Variants in CENPE observed in about 807,000 individuals in gnomAD.
CENPE encodes the protein centromere protein E.
CENPE carries 145 observed loss-of-function variants against 336.1 expected under a neutral mutation model. The ratio of observed to expected loss-of-function variants is 0.43; its 90% CI spans 0.38 to 0.50. The LOEUF (loss-of-function observed/expected upper bound fraction) is 0.50, where lower values mean the gene tolerates loss of function less well. Among genes scored for constraint, CENPE ranks in the 20% least tolerant of loss-of-function variants. The pLI is 0.00. For synonymous variants in CENPE, 1,013 were observed against 984.8 expected (o/e 1.03, Z -0.54); for missense variants, 2,719 against 3,023.3 (o/e 0.90, Z 2.36).
At position 103,132,159 on chromosome 4, in the gene CENPE, C is replaced by A. The variant is rs140757621; in HGVS notation, c.6924+534G>T. 2.4e-3 allele frequency among the ~76,000 whole-genome samples: 370 copies of A among 152,144 alleles called. 2 individuals are homozygous for A. Among genetic ancestry groups the A allele is most frequent in the African/African-American group, 8.4e-3 (349 of 41,496 alleles). The stretch of plus-strand genomic sequence containing the variant: ...TCATCGATTGTGCCAAATGTGCCAC[C>A]CTGATGTGGGCTGTTGATAGGGGAG... On this transcript the variant is annotated intron_variant, in intron 42 of 48. Transcript: ENST00000265148.
chr4:103,162,386 G>T (rs1754524559), intron 18 of CENPE, among the ~76,000 whole-genome samples: 1 of 151,958 alleles, frequency 6.6e-6, no homozygotes, highest in African/African-American at 2.4e-5. Context: ...GCAAACTGAA[G>T]CGATTAAATG....
chr4:103,174,760 T>C lies in CENPE; in HGVS notation c.1623A>G (p.Glu541=). The change falls in exon 16 of 49, where the codon GAA becomes GAG. Residue 541 remains glutamate (E), a synonymous_variant. Transcript: ENST00000265148. ...KNDLDEFEAL[E]RKTKKDQEMQ... ...CCTCTTGATCTTTTTTAGTTTTTCT[T>C]TCTAGAGCCTCAAATTCATCCAAAT... 1 of 1,538,448 alleles carries C rather than the reference T, an allele frequency of 6.5e-7. No homozygotes were observed. The highest frequency in any genetic ancestry group is 8.7e-7 in the Non-Finnish European group (1 of 1,146,426).
chr4:103,163,543 A>C lies in CENPE; in HGVS notation c.1658T>G (p.Ile553Ser). ...KTKKDQEMQL[I>S]HEISNLKNLV... ...ATTCTTTAAGTTCGAAATTTCATGAATTAGTTGCATCTGTAAGAGCATGTG... is the reference window on the plus strand; with the variant it reads ...ATTCTTTAAGTTCGAAATTTCATGACTTAGTTGCATCTGTAAGAGCATGTG... Residue 553 changes from isoleucine to serine, a missense_variant, in exon 17 of 49, where the codon ATT becomes AGT. Physicochemically the swap from Ile to Ser is moderately radical, Grantham distance 142. Around this residue, in one of 5 missense-constraint regions of CENPE, gnomAD observed 2,437 missense variants for 2,513.3 expected, o/e 0.97. Coordinates refer to ENST00000265148, the MANE Select transcript of CENPE (RefSeq NM_001813.3). 2 of 1,582,762 alleles carry C rather than the reference A, an allele frequency of 1.3e-6. No individual in the cohort carries two copies. Among genetic ancestry groups the C allele is most frequent in the Non-Finnish European group, 1.7e-6 (2 of 1,162,046 alleles).
intron 39 of CENPE, among the ~76,000 whole-genome samples, chr4:103,136,608 T>C (rs1752090534): frequency 6.6e-6 from 1 of 152,240 alleles, no homozygotes; most frequent in South Asian, 2.1e-4. Flanking sequence ...CCAACCATTC[T>C]TAACATTTTG....
intron 44 of CENPE, 83 bp from the exon 45 acceptor site, chr4:103,116,772 GCTCTAATAAGGA>G (rs749023644): frequency 2.5e-5 from 17 of 678,024 alleles, no homozygotes; most frequent in Non-Finnish European, 3.5e-5. Context: ...AGCTGTCTTT[GCTCTAATAAGGA>G]CATTTTAAAA....
At chr4:103,187,769 T>C (rs1756921844) in intron 8 of CENPE, among the ~76,000 whole-genome samples, 1 of 152,138 alleles carries the variant, frequency 6.6e-6, no homozygotes, top group Non-Finnish European at 1.5e-5. Context: ...GCTAACATCA[T>C]AATGACAGGA....
In CENPE at chr4:103,162,083, G is replaced by A. The variant is rs1271105241; in HGVS notation, c.1843-626C>T. The stretch of plus-strand genomic sequence containing the variant: ...AAGAAATAGTAATTTTTAAAAAGTG[G>A]GCAGTTCTGCTTGCCACGCTATGAA... On this transcript the variant is annotated intron_variant, in intron 18 of 48. Coordinates refer to ENST00000265148, the MANE Select transcript of CENPE (RefSeq NM_001813.3). Among the ~76,000 whole-genome samples, 3 of 151,932 alleles carry A rather than the reference G, an allele frequency of 2.0e-5. No individual in the cohort carries two copies. The East Asian group carries it at 5.8e-4, about 29-fold the overall frequency.
chr4:103,118,147 G>A (rs1019428468), intron 44 of CENPE, among the ~76,000 whole-genome samples: 65 of 152,232 alleles, frequency 4.3e-4, no homozygotes, highest in East Asian at 5.8e-4. Context: ...AAGAAACTGC[G>A]AAACCATCTT....
chr4:103,194,999 CATACT>C, intron 5 of CENPE, 110 bp downstream of exon 5: 1 of 928,126 alleles, frequency 1.1e-6, no homozygotes, highest in South Asian at 2.1e-5. Flanking sequence ...AAAACCCTCA[CATACT>C]ATAGAAATAG....
rs540259320 is a variant in CENPE at position 103,170,427 on chromosome 4, AGTTT to A, written c.1647+4305_1647+4308del. The stretch of plus-strand genomic sequence containing the variant: ...GAAAGTGGGAGGAGATAAAGTGTGG[AGTTT>A]GTTTGTTTGTTTAGTAATCAATGAT... On this transcript the variant is annotated intron_variant, in intron 16 of 48. Coordinates refer to ENST00000265148, the MANE Select transcript of CENPE (RefSeq NM_001813.3). Among the ~76,000 whole-genome samples, 571 of 152,300 alleles carry A rather than the reference AGTTT, an allele frequency of 3.7e-3. 2 individuals are homozygous for A. Among genetic ancestry groups the A allele is most frequent in the Middle Eastern group, 0.027 (8 of 294 alleles).
intron 16 of CENPE, among the ~76,000 whole-genome samples, chr4:103,172,866 A>C (rs906037825): frequency 6.6e-6 from 1 of 152,036 alleles, no homozygotes; most frequent in African/African-American, 2.4e-5. Context: ...GAATTTGAAG[A>C]AGACACAAAT....
At chr4:103,163,742 G>C (rs533325284) in intron 16 of CENPE, among the ~76,000 whole-genome samples, 189 bp from the exon 17 acceptor site, 1 of 150,332 alleles carries the variant, frequency 6.7e-6, no homozygotes, top group South Asian at 2.1e-4. Context: ...AAAAATACTA[G>C]AAATATCACC....
At chr4:103,188,058 A>G (rs1251833478) in intron 8 of CENPE, among the ~76,000 whole-genome samples, 1 of 152,100 alleles carries the variant, frequency 6.6e-6, no homozygotes, top group Admixed American at 6.5e-5. Context: ...AGGCCATTAC[A>G]TAATGGTAAA....
At chr4:103,178,128 G>T in intron 13 of CENPE, among the ~76,000 whole-genome samples, 1 of 149,852 alleles carries the variant, frequency 6.7e-6, no homozygotes, top group East Asian at 2.0e-4. Flanking sequence ...TGAAATTTGA[G>T]GTCAATGTTC....
At position 103,144,595 on chromosome 4, in the gene CENPE, T is replaced by C. The variant is rs989869136; in HGVS notation, c.4881A>G (p.Glu1627=). The C allele has an allele frequency of 6.2e-6, 10 of 1,606,464 alleles. No homozygotes were observed. Among genetic ancestry groups the C allele is most frequent in the Non-Finnish European group, 6.8e-6 (8 of 1,177,264 alleles). The change falls in exon 33 of 49, where the codon GAA becomes GAG. Residue 1627 remains glutamate, a synonymous_variant. Transcript: ENST00000265148. The part of the protein sequence containing the change: ...VAKMKESQEK[E]YQFLKMTAVN... ...CAGCTGTCATCTTAAGAAACTGATA[T>C]TCTTTTTCTTGAGATTCTTTCATCT...
chr4:103,188,892 C>T (rs1293755692), intron 8 of CENPE, among the ~76,000 whole-genome samples: 1 of 152,086 alleles, frequency 6.6e-6, no homozygotes, highest in Non-Finnish European at 1.5e-5. Context: ...TGATAGACCG[C>T]TAGCAAGACT....
chr4:103,167,615 T>C (rs541787154), intron 16 of CENPE, among the ~76,000 whole-genome samples: 1 of 152,306 alleles, frequency 6.6e-6, no homozygotes, highest in African/African-American at 2.4e-5. Context: ...TCTGTACCTA[T>C]TACAGACAAG....
Position 103,161,033 on chromosome 4 carries a change from AC to A in CENPE, c.2131+52del. On this transcript the variant is annotated intron_variant, in intron 20 of 48. Transcript: ENST00000265148. ...AATATGCTTGTCAAATTGTTTAGGT[AC>A]ATTTCTAGAAGAAGTCAGATTTGAA... 2.9e-6 allele frequency: 4 copies of A among 1,394,476 alleles called. No individual in the cohort carries two copies. In the South Asian group the frequency reaches 5.6e-5, roughly 19 times the overall value. The allele number at this position is 1,394,476 out of a possible 1,614,324, so 86.4% of individuals were successfully genotyped here.
At chr4:103,112,476 T>G (rs1749553725) in intron 46 of CENPE, among the ~76,000 whole-genome samples, 1 of 140,120 alleles carries the variant, frequency 7.1e-6, no homozygotes, top group African/African-American at 2.8e-5. Context: ...CATATATACT[T>G]ATATATACTA....
Sources: allele counts gnomAD v4.1 joint callset (sites outside exome capture counted in the v4.1 genomes callset), GRCh38; gene constraint gnomAD v4.1.1; regional missense constraint gnomAD v4.1.1; transcripts MANE v1.5; gene names NCBI Gene and HGNC (gene_info 2026-07-23, HGNC 2026-07-21).